The following UGT1A8 variants were observed in gnomAD, a reference collection of about 807,000 sequenced individuals.
The protein encoded by UGT1A8 is UDP glucuronosyltransferase family 1 member A8.
Under a neutral mutation model 45.3 loss-of-function variants are expected in UGT1A8, and 39 were observed. The ratio of observed to expected loss-of-function variants is 0.86; its 90% CI spans 0.67 to 1.12. UGT1A8 has a LOEUF of 1.12. Ranked by LOEUF, UGT1A8 falls within the 50% of genes most tolerant of loss-of-function variation. The pLI is 0.00. For synonymous variants in UGT1A8, 275 were observed against 249.2 expected, an observed-to-expected ratio of 1.10 and a Z score of -0.97; for missense variants, 719 against 664.9, an observed-to-expected ratio of 1.08 and a Z score of -0.90.
chr2:233,746,667 C>A (rs4663969), intron 1 of UGT1A8, among the ~76,000 whole-genome samples: 68,357 of 151,262 alleles, frequency 0.45, 16,045 homozygotes, highest in South Asian at 0.58. Context: ...GAGTTCCTAG[C>A]ATAGTAGGTA....
At chr2:233,743,749 C>G (rs937168653) in intron 1 of UGT1A8, 24 of 1,367,282 alleles carry the variant, frequency 1.8e-5, no homozygotes, top group Non-Finnish European at 2.3e-5. Context: ...TGGCGTCCGA[C>G]AACACCTCGT....
At chr2:233,636,672 C>G in intron 1 of UGT1A8, 3 of 1,614,094 alleles carry the variant, frequency 1.9e-6, no homozygotes, top group Non-Finnish European at 2.5e-6. Flanking sequence ...AACTTATCCT[C>G]AGGGGGCATG....
rs1393743923 is a variant in UGT1A8, at chr2:233,745,878, T to C, written c.856-21156T>C. 2.0e-5 allele frequency among the ~76,000 whole-genome samples: 3 copies of C among 150,678 alleles called. 1 individual carries two copies. Among genetic ancestry groups the C allele is most frequent in the African/African-American group, 7.4e-5 (3 of 40,514 alleles). On this transcript the variant is annotated intron_variant, in intron 1 of 4. Transcript: ENST00000373450. ...AAGCTGCTGACCAAGGTTCCAGAAGTGTTGGTGGGGTGGCGTTTTTCAGGG... is the reference window on the plus strand; with the variant it reads ...AAGCTGCTGACCAAGGTTCCAGAAGCGTTGGTGGGGTGGCGTTTTTCAGGG...
chr2:233,646,546 A>T (rs1293430462), intron 1 of UGT1A8, among the ~76,000 whole-genome samples: 2 of 152,194 alleles, frequency 1.3e-5, no homozygotes, highest in Admixed American at 6.5e-5. Context: ...TTCTCACACC[A>T]GTTACCCTAA....
chr2:233,635,872 A>C (rs1012826844), intron 1 of UGT1A8, among the ~76,000 whole-genome samples: 3 of 151,080 alleles, frequency 2.0e-5, no homozygotes, highest in Admixed American at 6.6e-5. Flanking sequence ...GAGGAAAGTC[A>C]TTAAAATAGG....
At chr2:233,690,816 C>CA in intron 1 of UGT1A8, 1 of 1,075,614 alleles carries the variant, frequency 9.3e-7, no homozygotes, top group Non-Finnish European at 1.1e-6. Context: ...TTAGTACAGT[C>CA]AAAGCTCACA....
At chr2:233,648,337 G>T in intron 1 of UGT1A8, 6 of 472,052 alleles carry the variant, frequency 1.3e-5, no homozygotes, top group South Asian at 1.0e-4. Flanking sequence ...GGTGGTCTTC[G>T]CCAGAGGAAT....
chr2:233,692,050 G>A (rs968960358), intron 1 of UGT1A8: 1 of 152,148 alleles, frequency 6.6e-6, no homozygotes, highest in African/African-American at 2.4e-5. Context: ...AAACCCTTGC[G>A]ATTAGAGGGA....
chr2:233,749,872 A>G (rs1694289871), intron 1 of UGT1A8, among the ~76,000 whole-genome samples: 1 of 151,942 alleles, frequency 6.6e-6, no homozygotes, highest in South Asian at 2.1e-4. Context: ...TGCCAGGATT[A>G]TAAGTTTCCT....
intron 1 of UGT1A8, among the ~76,000 whole-genome samples, chr2:233,664,194 T>C (rs943927746): frequency 1.3e-5 from 2 of 152,180 alleles, no homozygotes; most frequent in Non-Finnish European, 2.9e-5. Context: ...CCCTCACTGC[T>C]GATTTTTCTA....
At chr2:233,636,570 A>C in intron 1 of UGT1A8, 1 of 1,614,050 alleles carries the variant, frequency 6.2e-7, no homozygotes, top group Non-Finnish European at 8.5e-7. Flanking sequence ...GTGTGTGTCT[A>C]CTGCTGACCT....
At chr2:233,705,329 T>C (rs1353705236) in intron 1 of UGT1A8, among the ~76,000 whole-genome samples, 3 of 152,204 alleles carry the variant, frequency 2.0e-5, no homozygotes, top group Non-Finnish European at 4.4e-5. Context: ...AGCAACACAT[T>C]CTCTCAATTT....
intron 1 of UGT1A8, among the ~76,000 whole-genome samples, chr2:233,642,486 G>A (rs545585039): frequency 2.5e-4 from 38 of 152,258 alleles, no homozygotes; most frequent in Admixed American, 1.7e-3. Flanking sequence ...CTGAAAGGTC[G>A]CTTATATCTG....
At chr2:233,627,437 T>C (rs116437081) in intron 1 of UGT1A8, among the ~76,000 whole-genome samples, 1 of 152,210 alleles carries the variant, frequency 6.6e-6, no homozygotes, top group African/African-American at 2.4e-5. Context: ...TGTCATATAA[T>C]GACTTTGCAT....
chr2:233,716,592 A>T (rs953588234), intron 1 of UGT1A8, among the ~76,000 whole-genome samples: 3 of 152,124 alleles, frequency 2.0e-5, no homozygotes, highest in African/African-American at 7.2e-5. Context: ...AAAGAGCAAA[A>T]ATTTTAGAAT....
chr2:233,706,754 C>T (rs6725478), intron 1 of UGT1A8, among the ~76,000 whole-genome samples: 64,190 of 151,890 alleles, frequency 0.42, 14,632 homozygotes, highest in African/African-American at 0.59. Context: ...AGCAGAGTGC[C>T]GTACACTGGT....
chr2:233,633,800 C>G (rs1256015919), intron 1 of UGT1A8, among the ~76,000 whole-genome samples: 1 of 152,086 alleles, frequency 6.6e-6, no homozygotes, highest in Non-Finnish European at 1.5e-5. Flanking sequence ...TTTTGTGTCT[C>G]TATCTCCTTC....
At chr2:233,696,701 C>T (rs915031965) in intron 1 of UGT1A8, among the ~76,000 whole-genome samples, 7 of 152,078 alleles carry the variant, frequency 4.6e-5, no homozygotes, top group African/African-American at 1.7e-4. Context: ...TTGTCTTATT[C>T]CAGATTTTAG....
Position 233,687,551 on chromosome 2 carries a change from G to C in UGT1A8, c.855+68989G>C, listed in dbSNP as rs530582048. Among the ~76,000 whole-genome samples, 10 of 149,232 alleles carry C rather than the reference G, an allele frequency of 6.7e-5. No homozygotes were observed. The South Asian group carries it at 2.2e-3, about 32-fold the overall frequency. On this transcript the variant is annotated intron_variant, in intron 1 of 4. Transcript: ENST00000373450. ...CCAAGGTTATGCCTCAAGTAAGTGGGGGAGCCAGAATTCAAGACCATACAT... is the reference window on the plus strand; with the variant it reads ...CCAAGGTTATGCCTCAAGTAAGTGGCGGAGCCAGAATTCAAGACCATACAT...
Sources: allele counts gnomAD v4.1 joint callset (sites outside exome capture counted in the v4.1 genomes callset), GRCh38; gene constraint gnomAD v4.1.1; transcripts MANE v1.5; gene names NCBI Gene and HGNC (gene_info 2026-07-23, HGNC 2026-07-21).